Variants in SLC30A9 observed in about 807,000 individuals in gnomAD.
The protein encoded by SLC30A9 is solute carrier family 30 member 9.
SLC30A9 carries 58 observed loss-of-function variants against 87.5 expected under a neutral mutation model. The ratio of observed to expected loss-of-function variants is 0.66; its 90% CI spans 0.54 to 0.82. The LOEUF (loss-of-function observed/expected upper bound fraction) is 0.82. SLC30A9 is among the 40% of genes least tolerant of loss of function. The probability of loss-of-function intolerance (pLI) is 0.00; values close to 1 mark genes in which losing one functional copy is unlikely to be tolerated. For missense variants in SLC30A9, 557 were observed against 679.1 expected (o/e 0.82, Z 2.00); for synonymous variants, 234 against 233.0 (o/e 1.00, Z -0.04).
At chr4:42,063,459 A>G (rs1467682663) in intron 11 of SLC30A9, among the ~76,000 whole-genome samples, 1 of 152,232 alleles carries the variant, frequency 6.6e-6, no homozygotes, top group Non-Finnish European at 1.5e-5. Context: ...GTCTCATTTC[A>G]GTAATTAAAA....
At chr4:42,035,631 G>A (rs1281171018) in intron 7 of SLC30A9, among the ~76,000 whole-genome samples, 1 of 151,846 alleles carries the variant, frequency 6.6e-6, no homozygotes, top group Non-Finnish European at 1.5e-5. Context: ...CCGAGCAGCT[G>A]GGACCACAGG....
intron 1 of SLC30A9, among the ~76,000 whole-genome samples, chr4:41,994,683 C>T (rs1054763735): frequency 1.1e-4 from 17 of 151,092 alleles, no homozygotes; most frequent in African/African-American, 4.1e-4. Context: ...TTGACAGTTA[C>T]AAAAGACCAG....
At chr4:42,069,240 A>C (rs1718207001) in intron 14 of SLC30A9, among the ~76,000 whole-genome samples, 1 of 152,244 alleles carries the variant, frequency 6.6e-6, no homozygotes, top group African/African-American at 2.4e-5. Flanking sequence ...ATAGAAACCA[A>C]TCAAATCAAA....
chr4:42,042,896 G>A (rs983116185), intron 8 of SLC30A9, among the ~76,000 whole-genome samples: 1 of 152,210 alleles, frequency 6.6e-6, no homozygotes, highest in Non-Finnish European at 1.5e-5. Flanking sequence ...AGCAATGTTT[G>A]CTGTTCTGCA....
chr4:42,052,151 TA>T (rs1212225673), intron 9 of SLC30A9, among the ~76,000 whole-genome samples: 1 of 152,048 alleles, frequency 6.6e-6, no homozygotes, highest in African/African-American at 2.4e-5. Flanking sequence ...GAAATTTTAA[TA>T]AATTCCATAA....
chr4:42,086,059 G>C, intron 17 of SLC30A9, 23 bp from the exon 18 acceptor site: 1 of 1,238,248 alleles, frequency 8.1e-7, no homozygotes, highest in Non-Finnish European at 1.1e-6. Context: ...TACAAATAAT[G>C]TGGTGGTGAT....
Position 42,060,198 on chromosome 4 carries a change from T to C in SLC30A9, c.848T>C (p.Leu283Pro). ...TTTTCTTCTTCTTCATAGGGTTTAC[T>C]AGCATTGGGCATCAGTAAGTCTGTT... ...SLSDTCNQGL[L>P]ALGISKSVQT... Residue 283 changes from leucine (L) to proline (P), a missense_variant, in exon 10 of 18, where the codon CTA (leucine) becomes CCA (proline). This residue lies in a region of SLC30A9 where 467 missense variants were observed against 529.8 expected (regional missense o/e 0.88). Coordinates refer to ENST00000264451, the MANE Select transcript of SLC30A9 (RefSeq NM_006345.4). 1.2e-6 allele frequency: 2 copies of C among 1,611,062 alleles called. No individual in the cohort carries two copies. Among genetic ancestry groups the C allele is most frequent in the Non-Finnish European group, 1.7e-6 (2 of 1,177,584 alleles).
At chr4:42,058,575 AG>A (rs1461055650) in intron 9 of SLC30A9, among the ~76,000 whole-genome samples, 12 of 152,216 alleles carry the variant, frequency 7.9e-5, no homozygotes, top group Non-Finnish European at 5.9e-5. Flanking sequence ...CTGCTGATAA[AG>A]ACATGCCCAA....
At chr4:42,071,906 G>A (rs571209344) in intron 15 of SLC30A9, among the ~76,000 whole-genome samples, 387 of 152,286 alleles carry the variant, frequency 2.5e-3, no homozygotes, top group African/African-American at 9.0e-3. Flanking sequence ...TAGAATTCAA[G>A]TATCTGGATA....
chr4:42,009,197 T>G (rs1457183056), intron 2 of SLC30A9, among the ~76,000 whole-genome samples: 1 of 152,246 alleles, frequency 6.6e-6, no homozygotes, highest in Non-Finnish European at 1.5e-5. Flanking sequence ...TTAGTTTATT[T>G]TCTTATATTA....
At chr4:42,015,939 G>A (rs1715702101) in intron 2 of SLC30A9, among the ~76,000 whole-genome samples, 1 of 152,058 alleles carries the variant, frequency 6.6e-6, no homozygotes, top group Non-Finnish European at 1.5e-5. Flanking sequence ...AGGTGGTTAA[G>A]AGTGTAGAGT....
In SLC30A9 at chr4:41,999,936, A is replaced by G. The variant is rs80033366; in HGVS notation, c.110-1680A>G. The stretch of plus-strand genomic sequence containing the variant: ...CTGAAATATTTATGGATGAAATTAT[A>G]TCTGAGATTTGCTTCAAATTAATAT... On this transcript the variant is annotated intron_variant, in intron 1 of 17. Transcript: ENST00000264451. 4.6e-4 allele frequency among the ~76,000 whole-genome samples: 70 copies of G among 152,280 alleles called. No homozygotes were observed. The East Asian group carries it at 0.013, about 29-fold the overall frequency.
chr4:42,066,591 C>T lies in SLC30A9; in HGVS notation c.1114C>T (p.Arg372Trp), dbSNP rs141510850. Reference sequence around the variant, plus strand: ...TGTAAATGAACTTCGTAGGAATGCTCGGGCTAAAGGAATGTCATTTTACAA... The same window carrying T: ...TGTAAATGAACTTCGTAGGAATGCTTGGGCTAAAGGAATGTCATTTTACAA... ...VAVNELRRNA[R>W]AKGMSFYKYV... The change falls in exon 13 of 18, where the codon CGG becomes TGG. Residue 372 changes from arginine to tryptophan, a missense_variant. Physicochemically the swap from Arg to Trp is moderately radical, Grantham distance 101. Around this residue, in one of 2 missense-constraint regions of SLC30A9, gnomAD observed 467 missense variants for 529.8 expected, o/e 0.88. Coordinates refer to ENST00000264451, the MANE Select transcript of SLC30A9 (RefSeq NM_006345.4). 3.0e-5 allele frequency: 48 copies of T among 1,604,760 alleles called. No homozygotes were observed. Among genetic ancestry groups the T allele is most frequent in the Non-Finnish European group, 3.5e-5 (41 of 1,174,472 alleles).
chr4:41,994,810 C>T (rs1053785868), intron 1 of SLC30A9, among the ~76,000 whole-genome samples: 1 of 136,148 alleles, frequency 7.3e-6, no homozygotes, highest in Non-Finnish European at 1.6e-5. Flanking sequence ...ATTGCTTGAA[C>T]CCGTCAGATG....
chr4:42,023,318 G>A lies in SLC30A9; in HGVS notation c.544G>A (p.Gly182Arg), dbSNP rs1577691047. The A allele has an allele frequency of 6.2e-7, 1 of 1,613,304 alleles. No individual in the cohort carries two copies. ...DVEAKSLEVWGSPEALAREKK... is the reference protein window; with the variant it reads ...DVEAKSLEVWRSPEALAREKK... The stretch of plus-strand genomic sequence containing the variant: ...TATGCACAGATCTTTGGAAGTTTGG[G>A]GAAGCCCTGAAGCTCTTGCCAGAGA... Residue 182 changes from glycine to arginine, a missense_variant, in exon 6 of 18, where the codon GGA becomes AGA. This residue lies in a region of SLC30A9 where 467 missense variants were observed against 529.8 expected (regional missense o/e 0.88). Coordinates refer to ENST00000264451, the MANE Select transcript of SLC30A9 (RefSeq NM_006345.4).
chr4:42,046,254 G>T lies in SLC30A9; in HGVS notation c.738-3123G>T, dbSNP rs565252870. Among the ~76,000 whole-genome samples the T allele has an allele frequency of 1.6e-4, 24 of 152,256 alleles. 1 individual carries two copies. Among genetic ancestry groups the T allele is most frequent in the African/African-American group, 5.1e-4 (21 of 41,556 alleles). On this transcript the variant is annotated intron_variant, in intron 8 of 17. Transcript: ENST00000264451. Reference sequence around the variant, plus strand: ...GGCCAGGGCAATCAGGCAAGAGAAAGAAATAAAGGGTATTCAAATAGGAAG... The same window carrying T: ...GGCCAGGGCAATCAGGCAAGAGAAATAAATAAAGGGTATTCAAATAGGAAG...
chr4:42,067,094 G>C lies in SLC30A9; in HGVS notation c.1154G>C (p.Ser385Thr). The C allele has an allele frequency of 1.2e-6, 2 of 1,607,924 alleles. No individual in the cohort carries two copies. Among genetic ancestry groups the C allele is most frequent in the South Asian group, 1.1e-5 (1 of 90,894 alleles). The change falls in exon 14 of 18, where the codon AGT becomes ACT. Residue 385 changes from serine (S) to threonine (T), a missense_variant. Ser to Thr is a moderately conservative substitution (Grantham distance 58). This residue lies in a region of SLC30A9 where 467 missense variants were observed against 529.8 expected (regional missense o/e 0.88). Coordinates refer to ENST00000264451, the MANE Select transcript of SLC30A9 (RefSeq NM_006345.4). ...GMSFYKYVMESRDPSTNVILL... is the reference protein window; with the variant it reads ...GMSFYKYVMETRDPSTNVILL... ...CTTCCCCAATGACTAGTAATGGAAA[G>C]TCGTGATCCTAGTACAAATGTGATA...
chr4:42,014,760 G>A (rs893082208), intron 2 of SLC30A9, among the ~76,000 whole-genome samples: 3 of 152,118 alleles, frequency 2.0e-5, no homozygotes, highest in African/African-American at 7.2e-5. Context: ...GCAGCAATAC[G>A]GATGGAACTG....
intron 6 of SLC30A9, among the ~76,000 whole-genome samples, chr4:42,023,971 G>A (rs1716083006): frequency 6.6e-6 from 1 of 152,140 alleles, no homozygotes; most frequent in South Asian, 2.1e-4. Flanking sequence ...CCATCCCCAT[G>A]ATCCAGTCAC....
Sources: gnomAD v4.1 joint callset for allele counts (sites outside exome capture counted in the v4.1 genomes callset) on GRCh38, gnomAD v4.1.1 for gene constraint, gnomAD v4.1.1 regional missense constraint, MANE v1.5 for transcripts, NCBI Gene and HGNC (gene_info 2026-07-23, HGNC 2026-07-21) for gene names.